PAPPA: variants seen among roughly 807,000 people sequenced by gnomAD.
The protein encoded by PAPPA is pappalysin-1.
Under a neutral mutation model 164.0 loss-of-function variants are expected in PAPPA, and 60 were observed. The ratio of observed to expected loss-of-function variants is 0.37; its 90% CI spans 0.30 to 0.45. PAPPA has a LOEUF of 0.45. Among genes scored for constraint, PAPPA ranks in the 20% least tolerant of loss-of-function variants. The pLI, the probability that PAPPA is intolerant of heterozygous loss-of-function variation, is 1.00. For synonymous variants in PAPPA, 875 were observed against 814.1 expected (o/e 1.07, Z -1.27); for missense variants, 1,782 against 2,087.3 (o/e 0.85, Z 2.85).
chr9:116,311,749 G>A (rs1845720317), intron 10 of PAPPA, among the ~76,000 whole-genome samples: 1 of 152,158 alleles, frequency 6.6e-6, no homozygotes. Flanking sequence ...ATAATACGTG[G>A]CTACGTCTTG....
At chr9:116,171,698 C>T (rs1011769657) in intron 1 of PAPPA, among the ~76,000 whole-genome samples, 1 of 152,204 alleles carries the variant, frequency 6.6e-6, no homozygotes, top group African/African-American at 2.4e-5. Context: ...ATCCTTCCGT[C>T]TGTCCTCATG....
intron 10 of PAPPA, among the ~76,000 whole-genome samples, chr9:116,329,102 G>C (rs1350043791): frequency 6.6e-6 from 1 of 152,172 alleles, no homozygotes; most frequent in Non-Finnish European, 1.5e-5. Context: ...ATTGCAAGAA[G>C]TAATGGAAAG....
intron 13 of PAPPA, among the ~76,000 whole-genome samples, chr9:116,340,052 A>T (rs939481076): frequency 1.3e-5 from 2 of 152,146 alleles, no homozygotes; most frequent in African/African-American, 2.4e-5. Flanking sequence ...TGAGAATTTG[A>T]TCTATAGAAT....
rs1409164942 is a variant in PAPPA at position 116,396,844 on chromosome 9, A to C, written c.*228A>C. 1.7e-6 allele frequency: 1 copy of C among 572,428 alleles called. No individual in the cohort carries two copies. Among genetic ancestry groups the C allele is most frequent in the African/African-American group, 1.9e-5 (1 of 53,330 alleles). 35.5% of individuals were successfully genotyped at this position (572,428 alleles called of 1,614,324 possible). A position where few individuals can be genotyped will look rare whatever the true frequency, so the allele number is the denominator to read the frequency against. On this transcript the variant is annotated 3_prime_UTR_variant, in exon 22 of 22. Coordinates refer to ENST00000328252, the MANE Select transcript of PAPPA (RefSeq NM_002581.5). ...ATTCCCATCCCAAAGTCTGAGATGG[A>C]TTGCATATACAGTGTGCAGTCCCAG...
intron 10 of PAPPA, among the ~76,000 whole-genome samples, chr9:116,330,170 A>G (rs1003081620): frequency 5.3e-5 from 8 of 152,224 alleles, no homozygotes; most frequent in Non-Finnish European, 1.0e-4. Context: ...TGACAGGCCC[A>G]AATTCACAGG....
At chr9:116,357,325 C>G (rs906175619) in intron 17 of PAPPA, among the ~76,000 whole-genome samples, 2 of 152,236 alleles carry the variant, frequency 1.3e-5, no homozygotes, top group Non-Finnish European at 1.5e-5. Flanking sequence ...TAGTCCAGCT[C>G]TAGCACTTAC....
rs1473305811 is a variant in PAPPA, at chr9:116,227,682, C to T, written c.2233+130C>T. On this transcript the variant is annotated intron_variant, in intron 6 of 21. Coordinates refer to ENST00000328252, the MANE Select transcript of PAPPA (RefSeq NM_002581.5). Reference sequence around the variant, plus strand: ...ATTTCATTTGAGTAACATCATCCTGCAAGGTTAGTAGTCAAGCGCTCATCC... The same window carrying T: ...ATTTCATTTGAGTAACATCATCCTGTAAGGTTAGTAGTCAAGCGCTCATCC... 16 of 982,036 alleles carry T rather than the reference C, an allele frequency of 1.6e-5. No homozygotes were observed. In the South Asian group the frequency reaches 2.6e-4, roughly 16 times the overall value. The allele number at this position is 982,036 out of a possible 1,614,324, so 60.8% of individuals were successfully genotyped here. A position where few individuals can be genotyped will look rare whatever the true frequency, so the allele number is the denominator to read the frequency against.
At position 116,400,614 on chromosome 9, in the gene PAPPA, AGCT is replaced by A. The variant is rs1333044538; in HGVS notation, c.*4002_*4004del. 1 of 152,230 alleles carries A rather than the reference AGCT, an allele frequency of 6.6e-6. No individual in the cohort carries two copies. Among genetic ancestry groups the A allele is most frequent in the African/African-American group, 2.4e-5 (1 of 41,464 alleles). The allele number at this position is 152,230 out of a possible 1,614,324, so 9.4% of individuals were successfully genotyped here. A position where few individuals can be genotyped will look rare whatever the true frequency, so the allele number is the denominator to read the frequency against. On this transcript the variant is annotated 3_prime_UTR_variant, in exon 22 of 22. Coordinates refer to ENST00000328252, the MANE Select transcript of PAPPA (RefSeq NM_002581.5). ...CACTGCACAGTCCAGTTTTTTAAAA[AGCT>A]GCTACATGACAGACAGGTAATCCCA...
chr9:116,180,612 T>A (rs188747545), intron 1 of PAPPA, among the ~76,000 whole-genome samples: 3 of 152,054 alleles, frequency 2.0e-5, no homozygotes, highest in Middle Eastern at 3.4e-3. Context: ...ATATCTACTC[T>A]CCCAATGAGA....
At chr9:116,306,596 A>C (rs1260874243) in intron 10 of PAPPA, among the ~76,000 whole-genome samples, 1 of 152,230 alleles carries the variant, frequency 6.6e-6, no homozygotes, top group East Asian at 1.9e-4. Flanking sequence ...AGCTGGAATC[A>C]AGAAGTTCCT....
chr9:116,320,630 C>T (rs545762273), intron 10 of PAPPA, among the ~76,000 whole-genome samples: 1 of 152,136 alleles, frequency 6.6e-6, no homozygotes, highest in South Asian at 2.1e-4. Context: ...GAAAGCTGCT[C>T]TGGAGGCCTG....
chr9:116,274,238 A>G (rs1845171117), intron 9 of PAPPA, among the ~76,000 whole-genome samples: 1 of 152,192 alleles, frequency 6.6e-6, no homozygotes, highest in African/African-American at 2.4e-5. Context: ...TTACCCCTGT[A>G]TGTTCAGTGG....
chr9:116,233,717 C>T (rs750136205), intron 6 of PAPPA, among the ~76,000 whole-genome samples: 1 of 152,174 alleles, frequency 6.6e-6, no homozygotes, highest in African/African-American at 2.4e-5. Context: ...ACAGCCTTCA[C>T]TGGCATAGTT....
At chr9:116,280,845 C>G (rs757408193) in intron 9 of PAPPA, among the ~76,000 whole-genome samples, 1 of 152,198 alleles carries the variant, frequency 6.6e-6, no homozygotes, top group Non-Finnish European at 1.5e-5. Flanking sequence ...TTGAGTCATT[C>G]CAACAGAAAT....
At chr9:116,293,381 A>G (rs1845460812) in intron 9 of PAPPA, among the ~76,000 whole-genome samples, 1 of 152,354 alleles carries the variant, frequency 6.6e-6, no homozygotes, top group East Asian at 1.9e-4. Flanking sequence ...ATAGAGGGAA[A>G]TGGTTTGTAC....
intron 5 of PAPPA, among the ~76,000 whole-genome samples, chr9:116,222,612 A>G (rs945078985): frequency 1.3e-5 from 2 of 152,166 alleles, no homozygotes; most frequent in Admixed American, 6.5e-5. Flanking sequence ...AAATAACTGC[A>G]TGATCTCACG....
chr9:116,221,189 C>G (rs773408068), intron 5 of PAPPA, among the ~76,000 whole-genome samples: 4 of 152,004 alleles, frequency 2.6e-5, no homozygotes, highest in Non-Finnish European at 4.4e-5. Context: ...TGATCTTTCC[C>G]CCATATAAAC....
chr9:116,182,194 A>G (rs1388334579), intron 1 of PAPPA, among the ~76,000 whole-genome samples: 1 of 152,230 alleles, frequency 6.6e-6, no homozygotes, highest in African/African-American at 2.4e-5. Context: ...ATTAAGCAAG[A>G]TAATTAACGT....
chr9:116,195,899 T>A lies in PAPPA; in HGVS notation c.1478+7683T>A, dbSNP rs1587947079. Among the ~76,000 whole-genome samples, 3 of 151,012 alleles carry A rather than the reference T, an allele frequency of 2.0e-5. No homozygotes were observed. The South Asian group carries it at 6.3e-4, about 32-fold the overall frequency. On this transcript the variant is annotated intron_variant, in intron 2 of 21. Transcript: ENST00000328252. ...GGTTTCATTTTTAAAATATTTTTTTTAATTCCAAAAGTCCTGTATAAACCG... is the reference window on the plus strand; with the variant it reads ...GGTTTCATTTTTAAAATATTTTTTTAAATTCCAAAAGTCCTGTATAAACCG...
Sources: gnomAD v4.1 joint callset for allele counts (sites outside exome capture counted in the v4.1 genomes callset) on GRCh38, gnomAD v4.1.1 for gene constraint, MANE v1.5 for transcripts, NCBI Gene and HGNC (gene_info 2026-07-23, HGNC 2026-07-21) for gene names.